ABCA12: variants seen among roughly 807,000 people sequenced by gnomAD.
ABCA12 encodes glucosylceramide transporter ABCA12.
A neutral mutation model predicts 293.5 loss-of-function variants in ABCA12; 156 were observed. The observed-to-expected ratio is 0.53, with a 90% CI of 0.47 to 0.61. The LOEUF is 0.61. ABCA12 is among the 20% of genes least tolerant of loss of function. The pLI, the probability that ABCA12 is intolerant of heterozygous loss-of-function variation, is 0.00. For missense variants in ABCA12, 2,797 were observed against 3,090.2 expected (o/e 0.91, Z 2.25); for synonymous variants, 1,063 against 1,108.0 (o/e 0.96, Z 0.81).
chr2:215,051,650 A>ATGTGTGTGTGTGTGTG (rs1701323672), intron 5 of ABCA12, among the ~76,000 whole-genome samples: 1 of 49,060 alleles, frequency 2.0e-5, no homozygotes, highest in Non-Finnish European at 5.6e-5. Flanking sequence ...GTGTGTGTGA[A>ATGTGTGTGTGTGTGTG]GGTGATGGGG....
At position 214,989,333 on chromosome 2, in the gene ABCA12, G is replaced by T; in HGVS notation, c.3825C>A (p.Phe1275Leu). 1.2e-6 allele frequency: 2 copies of T among 1,612,738 alleles called. No individual in the cohort carries two copies. Among genetic ancestry groups the T allele is most frequent in the East Asian group, 4.5e-5 (2 of 44,810 alleles). Residue 1275 changes from phenylalanine to leucine, a missense_variant, in exon 26 of 53, where the codon TTC (phenylalanine) becomes TTA (leucine). This residue lies in a region of ABCA12 where 2,130 missense variants were observed against 2,427.0 expected (regional missense o/e 0.88). Transcript: ENST00000272895. ...FLIAWYVRNVFPGTYGMAAPW... is the reference protein window; with the variant it reads ...FLIAWYVRNVLPGTYGMAAPW... The stretch of plus-strand genomic sequence containing the variant: ...CTGTAGGAAGCACATTCATACCTGG[G>T]AAGACATTCCTGACATACCAAGCAA...
chr2:214,936,900 T>G (rs1698237163), intron 51 of ABCA12, among the ~76,000 whole-genome samples: 1 of 151,114 alleles, frequency 6.6e-6, no homozygotes, highest in Non-Finnish European at 1.5e-5. Flanking sequence ...GTATACAACT[T>G]GGAAACTAAT....
At chr2:215,136,546 A>G (rs1249417113) in intron 1 of ABCA12, among the ~76,000 whole-genome samples, 1 of 152,154 alleles carries the variant, frequency 6.6e-6, no homozygotes, top group Admixed American at 6.6e-5. Flanking sequence ...TAACACGTAC[A>G]GATTTTAGTT....
chr2:214,987,769 C>G lies in ABCA12; in HGVS notation c.3854G>C (p.Trp1285Ser). 1 of 1,613,744 alleles carries G rather than the reference C, an allele frequency of 6.2e-7. No individual in the cohort carries two copies. The highest frequency in any genetic ancestry group is 8.5e-7 in the Non-Finnish European group (1 of 1,179,912). Residue 1285 changes from tryptophan (W) to serine (S), a missense_variant, in exon 27 of 53, where the codon TGG becomes TCG. By Grantham distance (177) the Trp-to-Ser change is radical. Transcript: ENST00000272895. ...ATAGGAAGGAAGAATTGGAAAATAC[C>G]AGGGAGCTGCCATACCGTATGTCCC... is the stretch of plus-strand genomic sequence containing the variant. ...FPGTYGMAAP[W>S]YFPILPSYWK...
At chr2:214,994,897 G>T (rs1238506066) in intron 23 of ABCA12, among the ~76,000 whole-genome samples, 2 of 152,040 alleles carry the variant, frequency 1.3e-5, no homozygotes, top group African/African-American at 4.8e-5. Context: ...CAAAATATAA[G>T]CACTGAAAGT....
At chr2:215,056,427 C>T (rs1027304593) in intron 3 of ABCA12, among the ~76,000 whole-genome samples, 4 of 152,106 alleles carry the variant, frequency 2.6e-5, no homozygotes, top group South Asian at 2.1e-4. Context: ...TAGACAAGGA[C>T]GCACAGCAGC....
chr2:215,045,111 T>C (rs563919020), intron 7 of ABCA12, among the ~76,000 whole-genome samples: 1 of 152,302 alleles, frequency 6.6e-6, no homozygotes, highest in South Asian at 2.1e-4. Flanking sequence ...TAGCATGTAA[T>C]AGGCACTTAA....
At chr2:215,111,770 C>A in intron 1 of ABCA12, 80 bp from the exon 2 acceptor site, 1 of 989,318 alleles carries the variant, frequency 1.0e-6, no homozygotes, top group South Asian at 1.3e-5. Context: ...AAAAGTATGT[C>A]ATACTATAAT....
At chr2:215,015,379 A>G in intron 15 of ABCA12, 111 bp downstream of exon 15, 1 of 1,159,856 alleles carries the variant, frequency 8.6e-7, no homozygotes, top group South Asian at 1.4e-5. Flanking sequence ...AATAATTCCA[A>G]AAGCCGAATA....
rs534938274 is a variant in ABCA12 at position 215,082,894 on chromosome 2, C to T, written c.164-18675G>A. 7 of 152,298 alleles carry T rather than the reference C, an allele frequency of 4.6e-5. No homozygotes were observed. The South Asian group carries it at 1.5e-3, about 32-fold the overall frequency. 9.4% of individuals were successfully genotyped at this position (152,298 alleles called of 1,614,324 possible). On this transcript the variant is annotated intron_variant, in intron 2 of 52. Transcript: ENST00000272895. Reference sequence around the variant, plus strand: ...CTTTCACGAATAATATCCTTTTGAGCTTCATTCACATAACCATGGAAGATA... The same window carrying T: ...CTTTCACGAATAATATCCTTTTGAGTTTCATTCACATAACCATGGAAGATA...
chr2:215,066,240 A>G (rs1425537697), intron 2 of ABCA12, among the ~76,000 whole-genome samples: 5 of 152,116 alleles, frequency 3.3e-5, no homozygotes, highest in Non-Finnish European at 5.9e-5. Context: ...CACTTAGGGT[A>G]TAGGGCTGCA....
intron 1 of ABCA12, among the ~76,000 whole-genome samples, chr2:215,118,689 A>G (rs926851803): frequency 1.3e-5 from 2 of 152,174 alleles, no homozygotes; most frequent in Admixed American, 6.6e-5. Context: ...GGATACAGCA[A>G]TGTAAGTTTT....
intron 14 of ABCA12, among the ~76,000 whole-genome samples, chr2:215,017,265 C>A (rs1256827153): frequency 6.6e-6 from 1 of 152,192 alleles, no homozygotes; most frequent in Non-Finnish European, 1.5e-5. Context: ...TTAAGCTCTG[C>A]AGCTCTTTTG....
intron 49 of ABCA12, 140 bp from the exon 50 acceptor site, chr2:214,943,157 A>AGAT (rs10685449): frequency 0.1 from 69,440 of 696,654 alleles, 5,749 homozygotes; most frequent in African/African-American, 0.33. Context: ...TATTTTTTTG[A>AGAT]GATAGGGTGT....
intron 2 of ABCA12, among the ~76,000 whole-genome samples, chr2:215,102,190 T>C (rs1197985081): frequency 6.6e-6 from 1 of 152,238 alleles, no homozygotes; most frequent in Non-Finnish European, 1.5e-5. Flanking sequence ...CACTCGTACC[T>C]CATTATTTAA....
chr2:215,116,602 G>A (rs1412420045), intron 1 of ABCA12, among the ~76,000 whole-genome samples: 1 of 151,936 alleles, frequency 6.6e-6, no homozygotes, highest in East Asian at 1.9e-4. Flanking sequence ...AATAAACTAG[G>A]AATCCATGAA....
intron 2 of ABCA12, chr2:215,085,560 A>G (rs577862021): frequency 1.3e-5 from 2 of 152,340 alleles, no homozygotes; most frequent in East Asian, 1.9e-4. Flanking sequence ...AAAAATCTCA[A>G]TTTTATAATG....
intron 36 of ABCA12, 93 bp downstream of exon 36, chr2:214,973,856 T>A: frequency 1.8e-6 from 2 of 1,099,040 alleles, no homozygotes; most frequent in Admixed American, 1.8e-5. Context: ...AATGAACTTA[T>A]ACTGATTCTT....
At chr2:215,036,741 C>T (rs1403792322) in intron 8 of ABCA12, among the ~76,000 whole-genome samples, 1 of 151,970 alleles carries the variant, frequency 6.6e-6, no homozygotes, top group African/African-American at 2.4e-5. Flanking sequence ...TTTCACCTAA[C>T]TAAAAACCCT....
Sources: allele counts gnomAD v4.1 joint callset (sites outside exome capture counted in the v4.1 genomes callset), GRCh38; gene constraint gnomAD v4.1.1; regional missense constraint gnomAD v4.1.1; transcripts MANE v1.5; gene names NCBI Gene and HGNC (gene_info 2026-07-23, HGNC 2026-07-21).